TTC27: variants seen among roughly 807,000 people sequenced by gnomAD.
The protein encoded by TTC27 is tetratricopeptide repeat domain 27, also known as tetratricopeptide repeat protein 27.
TTC27 carries 79 observed loss-of-function variants against 115.9 expected under a neutral mutation model. The observed-to-expected ratio is 0.68, with a 90% confidence interval of 0.57 to 0.82. The LOEUF is 0.82. TTC27 is among the 40% of genes least tolerant of loss of function. The pLI is 0.00. For synonymous variants in TTC27, 401 were observed against 356.0 expected (o/e 1.13, Z -1.42); for missense variants, 1,054 against 993.1 (o/e 1.06, Z -0.82).
At chr2:32,687,452 G>C (rs915128452) in intron 9 of TTC27, among the ~76,000 whole-genome samples, 10 of 152,110 alleles carry the variant, frequency 6.6e-5, no homozygotes, top group Admixed American at 5.2e-4. Flanking sequence ...TTTAAACCAA[G>C]CCTTATGAAT....
At chr2:32,745,008 A>G (rs552835403) in intron 12 of TTC27, among the ~76,000 whole-genome samples, 1 of 131,778 alleles carries the variant, frequency 7.6e-6, no homozygotes, top group Admixed American at 9.1e-5. Context: ...AGATCACGCC[A>G]CTGCACTCCA....
At chr2:32,718,916 T>G (rs1667835972) in intron 10 of TTC27, among the ~76,000 whole-genome samples, 3 of 152,372 alleles carry the variant, frequency 2.0e-5, no homozygotes, top group South Asian at 2.1e-4. Flanking sequence ...GCTTCATTCT[T>G]TCATTCCTTT....
At chr2:32,732,915 T>C (rs1302590135) in intron 10 of TTC27, among the ~76,000 whole-genome samples, 1 of 152,208 alleles carries the variant, frequency 6.6e-6, no homozygotes, top group East Asian at 1.9e-4. Flanking sequence ...TCATGATAAT[T>C]CTCAGTTGAG....
rs138224278 is a variant in TTC27 at position 32,786,411 on chromosome 2, G to A, written c.1833-573G>A. ...ACCTCAGCCACTCAAAAAGTGCTGG[G>A]ATTATAGATGTGAGCCACCATGCCT... On this transcript the variant is annotated intron_variant, in intron 15 of 19. Coordinates refer to ENST00000317907, the MANE Select transcript of TTC27 (RefSeq NM_017735.5). Among the ~76,000 whole-genome samples the A allele has an allele frequency of 1.7e-3, 263 of 152,278 alleles. 2 individuals are homozygous for A. The East Asian group carries it at 0.021, about 12-fold the overall frequency.
At chr2:32,797,189 AAAG>A (rs1670732315) in intron 16 of TTC27, among the ~76,000 whole-genome samples, 1 of 151,134 alleles carries the variant, frequency 6.6e-6, no homozygotes, top group East Asian at 1.9e-4. Context: ...AAAAAAAAAA[AAAG>A]AGACAGTGTC....
At chr2:32,637,315 A>C (rs2151861302) in intron 3 of TTC27, among the ~76,000 whole-genome samples, 1 of 151,944 alleles carries the variant, frequency 6.6e-6, no homozygotes, top group African/African-American at 2.4e-5. Flanking sequence ...TGATTAGGAG[A>C]AGGATTCTTT....
intron 9 of TTC27, among the ~76,000 whole-genome samples, chr2:32,681,218 T>C (rs1474726924): frequency 6.6e-6 from 1 of 152,168 alleles, no homozygotes; most frequent in Non-Finnish European, 1.5e-5. Flanking sequence ...ATTGGAGAAG[T>C]AGGGCAAGAA....
intron 15 of TTC27, among the ~76,000 whole-genome samples, chr2:32,784,444 A>G (rs984336240): frequency 3.9e-5 from 6 of 152,228 alleles, no homozygotes; most frequent in African/African-American, 1.4e-4. Context: ...GATCCTATTC[A>G]TGCCTTAAAA....
intron 12 of TTC27, among the ~76,000 whole-genome samples, chr2:32,751,068 G>GT (rs1477319600): frequency 7.5e-4 from 114 of 152,236 alleles, no homozygotes; most frequent in African/African-American, 2.7e-3. Context: ...GTGTTGTCTG[G>GT]TTATTGTGTA....
rs35904079 is a variant in TTC27, at chr2:32,644,872, CT to C, written c.537+4480del. ...TTCTTCTTTTCTTCCTTCCTTTCTG[CT>C]TTTTTTTTTTTTTTTTTGGAGATGT... On this transcript the variant is annotated intron_variant, in intron 4 of 19. Coordinates refer to ENST00000317907, the MANE Select transcript of TTC27 (RefSeq NM_017735.5). Among the ~76,000 whole-genome samples the C allele has an allele frequency of 9.5e-3, 791 of 83,316 alleles. 6 individuals carry two copies. The highest frequency in any genetic ancestry group is 0.031 in the African/African-American group (677 of 22,124). The allele number at this position is 83,316 out of a possible 152,430, so 54.7% of individuals were successfully genotyped here.
chr2:32,629,277 A>G (rs1204342274), intron 1 of TTC27, among the ~76,000 whole-genome samples: 2 of 151,118 alleles, frequency 1.3e-5, no homozygotes, highest in Non-Finnish European at 2.9e-5. Context: ...ATGCACCACC[A>G]TGCCCGGCTA....
intron 10 of TTC27, among the ~76,000 whole-genome samples, chr2:32,717,222 C>T (rs754008447): frequency 2.6e-5 from 4 of 152,132 alleles, no homozygotes; most frequent in Non-Finnish European, 4.4e-5. Context: ...GATACTCCCA[C>T]CTCAGCCTCC....
chr2:32,755,184 G>A (rs1301731568), intron 12 of TTC27, among the ~76,000 whole-genome samples: 30 of 152,024 alleles, frequency 2.0e-4, no homozygotes, highest in Admixed American at 4.6e-4. Flanking sequence ...ACGGGGTGGC[G>A]GCCGGGCAGA....
chr2:32,630,606 T>TCAA lies in TTC27; in HGVS notation c.180_182dup (p.Thr61dup). The stretch of plus-strand genomic sequence containing the variant: ...TTCAATGACTCAAAATATTTTTAAT[T>TCAA]CAACAACAACCGCTGAAGAAAAGAT... On this transcript the variant is annotated inframe_insertion, in exon 2 of 20. Coordinates refer to ENST00000317907, the MANE Select transcript of TTC27 (RefSeq NM_017735.5). 6.2e-7 allele frequency: 1 copy of TCAA among 1,613,762 alleles called. No individual in the cohort carries two copies. The highest frequency in any genetic ancestry group is 8.5e-7 in the Non-Finnish European group (1 of 1,179,848).
chr2:32,723,694 T>TCCTTCCTCCCTCCCTCCCTC lies in TTC27; in HGVS notation c.1234-10131_1234-10130insTCCTCCCTCCCTCCCTCCCT, dbSNP rs1426698541. The stretch of plus-strand genomic sequence containing the variant: ...CTAATTATTGTTAGACTCAGCTCCT[T>TCCTTCCTCCCTCCCTCCCTC]CCTCCCTCCCTCCCTCCCTCCCTCC... On this transcript the variant is annotated intron_variant, in intron 10 of 19. Transcript: ENST00000317907. 7.8e-4 allele frequency among the ~76,000 whole-genome samples: 45 copies of TCCTTCCTCCCTCCCTCCCTC among 57,928 alleles called. 9 individuals carry two copies. Among genetic ancestry groups the TCCTTCCTCCCTCCCTCCCTC allele is most frequent in the African/African-American group, 3.3e-3 (37 of 11,186 alleles). 38.0% of individuals were successfully genotyped at this position (57,928 alleles called of 152,430 possible).
intron 7 of TTC27, among the ~76,000 whole-genome samples, chr2:32,669,896 A>G (rs113004734): frequency 8.7e-5 from 13 of 149,504 alleles, no homozygotes; most frequent in African/African-American, 9.9e-5. Context: ...AAAAAAAAAA[A>G]AAAAAGAAAA....
intron 10 of TTC27, among the ~76,000 whole-genome samples, chr2:32,714,968 T>C (rs772056044): frequency 1.9e-4 from 29 of 152,166 alleles, no homozygotes; most frequent in Non-Finnish European, 3.5e-4. Context: ...CCTTATAGAT[T>C]ATGGATATCA....
intron 5 of TTC27, among the ~76,000 whole-genome samples, chr2:32,656,654 A>G (rs541831721): frequency 6.6e-6 from 1 of 152,300 alleles, no homozygotes; most frequent in African/African-American, 2.4e-5. Context: ...TTGAGCTGTG[A>G]TAGGTGCTGG....
At chr2:32,746,183 A>G (rs1405958692) in intron 12 of TTC27, among the ~76,000 whole-genome samples, 1 of 152,170 alleles carries the variant, frequency 6.6e-6, no homozygotes, top group Non-Finnish European at 1.5e-5. Flanking sequence ...CCAGTTGCCC[A>G]TTTAAATATG....
Sources: allele counts gnomAD v4.1 joint callset (sites outside exome capture counted in the v4.1 genomes callset), GRCh38; gene constraint gnomAD v4.1.1; transcripts MANE v1.5; gene names NCBI Gene and HGNC (gene_info 2026-07-23, HGNC 2026-07-21).